TSHZ2: variants seen among roughly 807,000 people sequenced by gnomAD.
The protein encoded by TSHZ2 is teashirt zinc finger homeobox 2.
TSHZ2 carries 21 observed loss-of-function variants against 74.4 expected under a neutral mutation model. The observed-to-expected ratio is 0.28, with a 90% CI of 0.20 to 0.41. The LOEUF (loss-of-function observed/expected upper bound fraction) is 0.41, where lower values mean the gene tolerates loss of function less well. Ranked by LOEUF, TSHZ2 falls within the 10% of genes least tolerant of loss-of-function variation. The pLI is 1.00. For synonymous variants in TSHZ2, 540 were observed against 515.3 expected (o/e 1.05, Z -0.65); for missense variants, 1,244 against 1,293.5 (o/e 0.96, Z 0.59).
intron 2 of TSHZ2, among the ~76,000 whole-genome samples, chr20:53,349,026 G>A (rs536687133): frequency 6.6e-6 from 1 of 152,244 alleles, no homozygotes; most frequent in South Asian, 2.1e-4. Flanking sequence ...TTATTCTAAG[G>A]GGCTGCTGGC....
intron 2 of TSHZ2, among the ~76,000 whole-genome samples, chr20:53,363,945 C>G (rs1473214647): frequency 6.6e-6 from 1 of 151,952 alleles, no homozygotes. Flanking sequence ...GAGTGGTGAA[C>G]AAAACAGACA....
At chr20:53,302,597 G>A (rs548012248) in intron 2 of TSHZ2, among the ~76,000 whole-genome samples, 15 of 152,164 alleles carry the variant, frequency 9.9e-5, no homozygotes, top group East Asian at 1.9e-4. Flanking sequence ...AGTGTTTCTC[G>A]AACCCTCTTC....
chr20:53,471,865 G>A (rs1985816161), intron 2 of TSHZ2, among the ~76,000 whole-genome samples: 1 of 149,054 alleles, frequency 6.7e-6, no homozygotes, highest in African/African-American at 2.5e-5. Flanking sequence ...GGAGCACAAT[G>A]GCATGATCTC....
chr20:53,388,593 CT>C (rs773016204), intron 2 of TSHZ2, among the ~76,000 whole-genome samples: 3,910 of 142,296 alleles, frequency 0.027, 101 homozygotes, highest in African/African-American at 0.065. Flanking sequence ...TTTTTTCTTT[CT>C]TTTTTTTTTT....
intron 2 of TSHZ2, among the ~76,000 whole-genome samples, chr20:53,359,010 T>G (rs922713984): frequency 1.3e-5 from 2 of 152,226 alleles, no homozygotes; most frequent in Non-Finnish European, 2.9e-5. Flanking sequence ...ACCAGTCTTT[T>G]TCAAGATGGC....
At chr20:52,976,905 G>T (rs761211530) in intron 1 of TSHZ2, among the ~76,000 whole-genome samples, 2 of 152,170 alleles carry the variant, frequency 1.3e-5, no homozygotes, top group Admixed American at 6.6e-5. Flanking sequence ...TTGCAAGAAA[G>T]AACAGCTCCC....
intron 2 of TSHZ2, among the ~76,000 whole-genome samples, chr20:53,327,272 G>T (rs1012869077): frequency 8.5e-5 from 13 of 152,202 alleles, no homozygotes; most frequent in African/African-American, 2.9e-4. Flanking sequence ...GCTGTGGGAT[G>T]TCAAAGAGTT....
intron 1 of TSHZ2, among the ~76,000 whole-genome samples, chr20:53,011,748 GT>G (rs1195749234): frequency 6.6e-6 from 1 of 152,148 alleles, no homozygotes; most frequent in East Asian, 1.9e-4. Flanking sequence ...CCCAGAGTCA[GT>G]TTTAAGGGCA....
At chr20:53,436,536 A>ATT (rs71194478) in intron 2 of TSHZ2, among the ~76,000 whole-genome samples, 7,460 of 80,068 alleles carry the variant, frequency 0.093, 462 homozygotes, top group South Asian at 0.11. Flanking sequence ...TATTATTATT[A>ATT]TTATTATTAT....
intron 1 of TSHZ2, among the ~76,000 whole-genome samples, chr20:53,051,663 T>A (rs1026360743): frequency 3.3e-5 from 5 of 152,144 alleles, no homozygotes; most frequent in Non-Finnish European, 7.4e-5. Context: ...CTGGCAAAAA[T>A]CATTTCAAAT....
At chr20:53,164,165 A>G (rs572884291) in intron 1 of TSHZ2, among the ~76,000 whole-genome samples, 1 of 152,104 alleles carries the variant, frequency 6.6e-6, no homozygotes, top group South Asian at 2.1e-4. Context: ...CCTAAAATAG[A>G]TTGGAATTAG....
chr20:53,214,433 C>G (rs761680113), intron 1 of TSHZ2, among the ~76,000 whole-genome samples: 1 of 152,144 alleles, frequency 6.6e-6, no homozygotes, highest in Non-Finnish European at 1.5e-5. Context: ...GACAGTGTTG[C>G]GAGGGCTCAC....
chr20:53,219,736 C>T (rs916938778), intron 1 of TSHZ2, among the ~76,000 whole-genome samples: 1 of 152,166 alleles, frequency 6.6e-6, no homozygotes, highest in African/African-American at 2.4e-5. Context: ...TGGAAGAATG[C>T]ATTCCAGTAT....
intron 1 of TSHZ2, among the ~76,000 whole-genome samples, chr20:52,994,682 C>T (rs1435057464): frequency 6.6e-6 from 1 of 152,160 alleles, no homozygotes; most frequent in African/African-American, 2.4e-5. Context: ...AGCCCCTAGT[C>T]AGCTCTTACA....
intron 1 of TSHZ2, among the ~76,000 whole-genome samples, chr20:53,156,180 A>G (rs1404182689): frequency 6.6e-6 from 1 of 152,142 alleles, no homozygotes; most frequent in African/African-American, 2.4e-5. Context: ...AAATTTCATC[A>G]TGGTAATGTT....
chr20:53,236,653 C>T (rs960485599), intron 1 of TSHZ2, among the ~76,000 whole-genome samples: 25 of 152,162 alleles, frequency 1.6e-4, no homozygotes, highest in Non-Finnish European at 3.1e-4. Flanking sequence ...TTCATTCTCA[C>T]GCTGCTCTAA....
At chr20:53,015,471 AT>A (rs1428476130) in intron 1 of TSHZ2, among the ~76,000 whole-genome samples, 1 of 152,094 alleles carries the variant, frequency 6.6e-6, no homozygotes, top group Non-Finnish European at 1.5e-5. Context: ...CTAGCAAATA[AT>A]TATCTTTGGC....
intron 2 of TSHZ2, among the ~76,000 whole-genome samples, chr20:53,388,726 C>T (rs565716778): frequency 1.3e-5 from 2 of 152,058 alleles, no homozygotes; most frequent in South Asian, 2.1e-4. Flanking sequence ...TATAGGCGCC[C>T]ACCACCACAC....
intron 2 of TSHZ2, among the ~76,000 whole-genome samples, chr20:53,425,246 T>C (rs1983614529): frequency 6.6e-6 from 1 of 152,216 alleles, no homozygotes; most frequent in Non-Finnish European, 1.5e-5. Context: ...TATAGTGCAG[T>C]GTTCCCTTTC....
Sources: gnomAD v4.1 joint callset for allele counts (sites outside exome capture counted in the v4.1 genomes callset) on GRCh38, gnomAD v4.1.1 for gene constraint, MANE v1.5 for transcripts, NCBI Gene and HGNC (gene_info 2026-07-23, HGNC 2026-07-21) for gene names.